TLN2: variants seen among roughly 807,000 people sequenced by gnomAD.
TLN2 encodes the protein talin 2.
In TLN2, 118 loss-of-function variants were observed where a neutral mutation model predicts 294.7. The observed-to-expected ratio is 0.40, with a 90% CI of 0.34 to 0.47. The LOEUF (loss-of-function observed/expected upper bound fraction) is 0.47. Ranked by LOEUF, TLN2 falls within the 20% of genes least tolerant of loss-of-function variation. The pLI is 0.84. For missense variants in TLN2, 3,083 were observed against 3,282.2 expected, an observed-to-expected ratio of 0.94 and a Z score of 1.48; for synonymous variants, 1,431 against 1,304.5, an observed-to-expected ratio of 1.10 and a Z score of -2.09.
At chr15:62,462,384 C>T (rs886345595) in intron 1 of TLN2, among the ~76,000 whole-genome samples, 5 of 152,308 alleles carry the variant, frequency 3.3e-5, no homozygotes, top group African/African-American at 1.2e-4. Flanking sequence ...CACAGTTGGC[C>T]CCCTGCCTGG....
chr15:62,694,400 T>C lies in TLN2; in HGVS notation c.1292+8T>C. The C allele has an allele frequency of 3.1e-6, 5 of 1,613,084 alleles. No homozygotes were observed. Among genetic ancestry groups the C allele is most frequent in the Middle Eastern group, 1.7e-4 (1 of 6,060 alleles). ...GTCCGTTTCCCCAAAAAAGTAAGTA[T>C]TATGAAGAGTACTAGAGGACCACCT... On this transcript the variant is annotated splice_region_variant and intron_variant, in intron 14 of 58. Transcript: ENST00000636159.
intron 54 of TLN2, among the ~76,000 whole-genome samples, chr15:62,825,801 T>TATTATATAATATATATATAATA (rs1212160568): frequency 1.8e-4 from 2 of 10,874 alleles, no homozygotes; most frequent in African/African-American, 5.8e-4. Context: ...ATAATATATA[T>TATTATATAATATATATATAATA]TATATATTAT....
At chr15:62,399,256 CAAAAAAAAAAAAAAAAAA>C (rs546678440) in intron 1 of TLN2, among the ~76,000 whole-genome samples, 7 of 58,436 alleles carry the variant, frequency 1.2e-4, no homozygotes, top group Non-Finnish European at 2.0e-4. Context: ...CCGTCTCAAA[CAAAAAAAAAAAAAAAAAA>C]AAAAAAAAAA....
intron 26 of TLN2, among the ~76,000 whole-genome samples, chr15:62,723,002 C>T (rs1000981151): frequency 1.3e-5 from 2 of 152,212 alleles, no homozygotes; most frequent in Non-Finnish European, 2.9e-5. Context: ...TTCAAGAGAA[C>T]AGAGTTGAGG....
chr15:62,715,599 C>A (rs2059713964), intron 22 of TLN2, among the ~76,000 whole-genome samples: 2 of 152,204 alleles, frequency 1.3e-5, no homozygotes, highest in Admixed American at 6.5e-5. Flanking sequence ...AAGACATGTT[C>A]AACTAAAAGC....
At chr15:62,723,613 G>C (rs2060275256) in intron 26 of TLN2, among the ~76,000 whole-genome samples, 1 of 137,264 alleles carries the variant, frequency 7.3e-6, no homozygotes, top group African/African-American at 2.7e-5. Flanking sequence ...GTGCAGTCAT[G>C]GCTCACTGTA....
chr15:62,805,518 G>T, intron 50 of TLN2, 82 bp from the exon 51 acceptor site: 5 of 1,409,066 alleles, frequency 3.5e-6, no homozygotes, highest in Non-Finnish European at 4.7e-6. Context: ...TCAGACACAA[G>T]CTACAGCCTG....
chr15:62,556,013 G>A (rs1014315077), intron 1 of TLN2, among the ~76,000 whole-genome samples: 1 of 148,870 alleles, frequency 6.7e-6, no homozygotes, highest in Non-Finnish European at 1.5e-5. Context: ...GAGTTGAGAT[G>A]CTCGTTGACT....
At chr15:62,660,897 C>G (rs11071681) in intron 9 of TLN2, among the ~76,000 whole-genome samples, 1 of 152,100 alleles carries the variant, frequency 6.6e-6, no homozygotes, top group African/African-American at 2.4e-5. Flanking sequence ...CTCTGATCAT[C>G]TCAACAAAGT....
intron 2 of TLN2, among the ~76,000 whole-genome samples, chr15:62,597,701 A>AT (rs553425916): frequency 7.9e-4 from 119 of 150,938 alleles, no homozygotes; most frequent in Middle Eastern, 6.8e-3. Context: ...TTCAGATTTC[A>AT]TTTTTTTTTC....
chr15:62,562,612 T>C (rs368633283), intron 1 of TLN2, among the ~76,000 whole-genome samples: 17 of 152,004 alleles, frequency 1.1e-4, no homozygotes, highest in African/African-American at 4.1e-4. Context: ...AGTTCTTTAG[T>C]GGTGATTTCT....
chr15:62,824,634 TG>T (rs2067873668), intron 54 of TLN2, among the ~76,000 whole-genome samples: 1 of 152,268 alleles, frequency 6.6e-6, no homozygotes, highest in Non-Finnish European at 1.5e-5. Context: ...TTGAATTTCC[TG>T]TTATAGGTTA....
At chr15:62,469,314 G>T (rs1040433183) in intron 1 of TLN2, among the ~76,000 whole-genome samples, 6 of 152,206 alleles carry the variant, frequency 3.9e-5, no homozygotes, top group Non-Finnish European at 7.3e-5. Context: ...TTGTAGACCA[G>T]ATAGCACACA....
intron 1 of TLN2, among the ~76,000 whole-genome samples, chr15:62,569,944 G>T (rs1404777721): frequency 6.6e-6 from 1 of 152,186 alleles, no homozygotes; most frequent in Non-Finnish European, 1.5e-5. Context: ...CAGTAATTTT[G>T]TGTGAGTTTT....
chr15:62,524,921 C>T (rs2040656899), intron 1 of TLN2, among the ~76,000 whole-genome samples: 1 of 152,140 alleles, frequency 6.6e-6, no homozygotes, highest in African/African-American at 2.4e-5. Context: ...TCATTTTGCA[C>T]TCAAGGGGAA....
intron 1 of TLN2, among the ~76,000 whole-genome samples, chr15:62,576,269 A>G (rs1292611338): frequency 6.6e-6 from 1 of 151,998 alleles, no homozygotes; most frequent in African/African-American, 2.4e-5. Flanking sequence ...GTCTCAAAAA[A>G]AAAAAAATAA....
Position 62,840,685 on chromosome 15 carries a change from G to A in TLN2, c.*75G>A, listed in dbSNP as rs2070574581. 1.3e-6 allele frequency: 2 copies of A among 1,541,954 alleles called. No homozygotes were observed. The highest frequency in any genetic ancestry group is 1.7e-6 in the Non-Finnish European group (2 of 1,146,318). ...GACAGACAGTGTTCCTGAGAGGCTG[G>A]GCACTTAGCTGGAAACCGCCCACCT... On this transcript the variant is annotated 3_prime_UTR_variant, in exon 59 of 59. Transcript: ENST00000636159.
intron 37 of TLN2, among the ~76,000 whole-genome samples, chr15:62,757,323 G>C (rs1429349968): frequency 6.6e-6 from 1 of 152,210 alleles, no homozygotes; most frequent in Non-Finnish European, 1.5e-5. Context: ...ACCTTGCTGT[G>C]TTTGCAGGGC....
intron 22 of TLN2, among the ~76,000 whole-genome samples, chr15:62,712,691 A>G (rs2059499058): frequency 6.6e-6 from 1 of 152,060 alleles, no homozygotes; most frequent in Admixed American, 6.5e-5. Context: ...TTCATCCCCA[A>G]AGATCCTGAT....
Sources: gnomAD v4.1 joint callset for allele counts (sites outside exome capture counted in the v4.1 genomes callset) on GRCh38, gnomAD v4.1.1 for gene constraint, MANE v1.5 for transcripts, NCBI Gene and HGNC (gene_info 2026-07-23, HGNC 2026-07-21) for gene names.